The following KSR1 variants were observed in gnomAD, a reference collection of about 807,000 sequenced individuals.
KSR1 encodes kinase suppressor of ras.
In KSR1, 35 loss-of-function variants were observed where a neutral mutation model predicts 92.9. That is an observed-to-expected ratio of 0.38 (90% confidence interval 0.29 to 0.50). KSR1 has a LOEUF of 0.50. KSR1 is among the 20% of genes least tolerant of loss of function. The pLI is 0.94. For missense variants in KSR1, 972 were observed against 1,158.5 expected, an observed-to-expected ratio of 0.84 and a Z score of 2.34; for synonymous variants, 467 against 472.6, an observed-to-expected ratio of 0.99 and a Z score of 0.15.
At chr17:27,534,087 C>T (rs2070661764) in intron 1 of KSR1, among the ~76,000 whole-genome samples, 1 of 152,236 alleles carries the variant, frequency 6.6e-6, no homozygotes. Context: ...TCTTGTTACC[C>T]ATCCTGGTTT....
At position 27,559,459 on chromosome 17, in the gene KSR1, G is replaced by A. The variant is rs1444648927; in HGVS notation, c.372+8751G>A. On this transcript the variant is annotated intron_variant, in intron 2 of 20. Coordinates refer to ENST00000644974, the MANE Select transcript of KSR1 (RefSeq NM_001394583.1). This position sits in a 1 kb window ranked among gnomAD's most constrained non-coding sequence, Gnocchi z 4.2. ...AGTGTGGCAGCCCTTAGCCATATGTGGCTTGGGGACACTTGAAATGTGTAT... is the reference window on the plus strand; with the variant it reads ...AGTGTGGCAGCCCTTAGCCATATGTAGCTTGGGGACACTTGAAATGTGTAT... 6.6e-6 allele frequency among the ~76,000 whole-genome samples: 1 copy of A among 152,238 alleles called. No individual in the cohort carries two copies. Among genetic ancestry groups the A allele is most frequent in the Non-Finnish European group, 1.5e-5 (1 of 68,042 alleles).
intron 1 of KSR1, among the ~76,000 whole-genome samples, chr17:27,481,004 C>T (rs1383106234): frequency 6.6e-6 from 1 of 152,124 alleles, no homozygotes; most frequent in Non-Finnish European, 1.5e-5. Context: ...AACAAAACTA[C>T]CTTTGATGGA....
At chr17:27,528,609 C>T in intron 1 of KSR1, among the ~76,000 whole-genome samples, 1 of 151,978 alleles carries the variant, frequency 6.6e-6, no homozygotes, top group African/African-American at 2.4e-5. Context: ...ATTGAAACTC[C>T]ATTTCTGGGC....
chr17:27,553,831 GGTTCA>G (rs1274484283), intron 2 of KSR1, among the ~76,000 whole-genome samples: 1 of 152,204 alleles, frequency 6.6e-6, no homozygotes, highest in Non-Finnish European at 1.5e-5. Context: ...GGGCTACCTT[GGTTCA>G]GTTCTACCTC....
chr17:27,601,263 A>G (rs1309120977), intron 10 of KSR1, 97 bp from the exon 11 acceptor site: 24 of 1,068,272 alleles, frequency 2.2e-5, no homozygotes, highest in Non-Finnish European at 3.4e-5. Context: ...CAGCCCAGTA[A>G]CAAGTCCCTG....
intron 19 of KSR1, among the ~76,000 whole-genome samples, chr17:27,619,409 T>C (rs1174199077): frequency 1.3e-5 from 2 of 151,872 alleles, no homozygotes; most frequent in African/African-American, 4.8e-5. Context: ...TTTTTTTTTT[T>C]TTTTTAAAGG....
chr17:27,601,828 A>G, intron 11 of KSR1: 1 of 1,179,696 alleles, frequency 8.5e-7, no homozygotes, highest in Non-Finnish European at 1.2e-6. Flanking sequence ...AGAAGTAGAA[A>G]CCCATTTGGG....
At chr17:27,535,693 T>C (rs1036957785) in intron 1 of KSR1, among the ~76,000 whole-genome samples, 1 of 152,230 alleles carries the variant, frequency 6.6e-6, no homozygotes, top group Non-Finnish European at 1.5e-5. Flanking sequence ...AAGATTAAGA[T>C]TGCAGCGAAG....
intron 1 of KSR1, among the ~76,000 whole-genome samples, chr17:27,495,111 A>T (rs1449541177): frequency 6.6e-6 from 1 of 152,120 alleles, no homozygotes; most frequent in African/African-American, 2.4e-5. Flanking sequence ...TTCTGCCCTT[A>T]CCCATTGGGC....
At chr17:27,522,409 T>C (rs942233720) in intron 1 of KSR1, among the ~76,000 whole-genome samples, 1 of 152,210 alleles carries the variant, frequency 6.6e-6, no homozygotes, top group Admixed American at 6.5e-5. Flanking sequence ...AGATCCAGTA[T>C]ACATGTCACA....
chr17:27,610,290 G>A, intron 17 of KSR1, 92 bp downstream of exon 17: 2 of 1,549,450 alleles, frequency 1.3e-6, no homozygotes, highest in South Asian at 1.2e-5. Flanking sequence ...GCTTTTAGGT[G>A]TTGAAAACCC....
At chr17:27,488,287 A>C (rs16966128) in intron 1 of KSR1, among the ~76,000 whole-genome samples, 1 of 152,278 alleles carries the variant, frequency 6.6e-6, no homozygotes, top group African/African-American at 2.4e-5. Context: ...GTGTTCCACA[A>C]TCCTTTTACT....
chr17:27,598,511 C>T (rs1030515450), intron 10 of KSR1, among the ~76,000 whole-genome samples: 6 of 152,204 alleles, frequency 3.9e-5, no homozygotes, highest in African/African-American at 9.7e-5. Context: ...TCAGCACGCA[C>T]GTGGCTGGAT....
At chr17:27,460,051 G>T (rs908489315) in intron 1 of KSR1, among the ~76,000 whole-genome samples, 11 of 152,122 alleles carry the variant, frequency 7.2e-5, no homozygotes, top group African/African-American at 2.7e-4. Context: ...TGAAACCAGG[G>T]TATTAATCTG....
intron 1 of KSR1, among the ~76,000 whole-genome samples, chr17:27,470,534 C>T (rs948568144): frequency 3.9e-5 from 6 of 152,080 alleles, no homozygotes; most frequent in African/African-American, 1.4e-4. Context: ...GCCACTGCGC[C>T]AGGCCTAAGT....
chr17:27,601,185 C>CAGCTCTTTTCCTCCT, intron 10 of KSR1, 175 bp from the exon 11 acceptor site: 1 of 598,684 alleles, frequency 1.7e-6, no homozygotes. Context: ...CATTTTCTCC[C>CAGCTCTTTTCCTCCT]AGCTCTTTTC....
chr17:27,546,681 T>C (rs2071184843), intron 1 of KSR1, among the ~76,000 whole-genome samples: 1 of 151,972 alleles, frequency 6.6e-6, no homozygotes. Context: ...GGAACGGAGC[T>C]GGGGGGCTGG....
chr17:27,564,393 T>G (rs922264909), intron 2 of KSR1, among the ~76,000 whole-genome samples: 18 of 152,358 alleles, frequency 1.2e-4, no homozygotes, highest in African/African-American at 4.3e-4. Flanking sequence ...CGAAGTTATA[T>G]TCTTCTATTC....
chr17:27,600,314 C>T (rs2073509984), intron 10 of KSR1, among the ~76,000 whole-genome samples: 1 of 151,942 alleles, frequency 6.6e-6, no homozygotes, highest in African/African-American at 2.4e-5. Context: ...GGGCTGGGTG[C>T]CTGTAATCCC....
Sources: gnomAD v4.1 joint callset for allele counts (sites outside exome capture counted in the v4.1 genomes callset) on GRCh38, gnomAD v4.1.1 for gene constraint, Gnocchi (gnomAD v3.1) non-coding constraint, MANE v1.5 for transcripts, NCBI Gene and HGNC (gene_info 2026-07-23, HGNC 2026-07-21) for gene names.